DAAM1: variants seen among roughly 807,000 people sequenced by gnomAD.
DAAM1 encodes dishevelled associated activator of morphogenesis 1, also known as disheveled-associated activator of morphogenesis 1.
Under a neutral mutation model 130.0 loss-of-function variants are expected in DAAM1, and 52 were observed. That is an observed-to-expected ratio of 0.40 (90% CI 0.32 to 0.50). DAAM1 has a LOEUF of 0.50. Among genes scored for constraint, DAAM1 ranks in the 20% least tolerant of loss-of-function variants. The pLI, the probability that DAAM1 is intolerant of heterozygous loss-of-function variation, is 0.61. For synonymous variants in DAAM1, 452 were observed against 444.5 expected, an observed-to-expected ratio of 1.02 and a Z score of -0.21; for missense variants, 1,134 against 1,303.8, an observed-to-expected ratio of 0.87 and a Z score of 2.01.
intron 1 of DAAM1, among the ~76,000 whole-genome samples, chr14:59,191,332 A>G (rs1367207700): frequency 1.3e-5 from 2 of 151,700 alleles, no homozygotes; most frequent in Non-Finnish European, 2.9e-5. Flanking sequence ...CTGCTTGTCT[A>G]CCCTACTAGA....
chr14:59,339,078 A>G (rs956507648), intron 15 of DAAM1, among the ~76,000 whole-genome samples: 1 of 152,244 alleles, frequency 6.6e-6, no homozygotes, highest in Non-Finnish European at 1.5e-5. Flanking sequence ...GCTTAGTAGG[A>G]AAGTACGTAG....
intron 15 of DAAM1, among the ~76,000 whole-genome samples, chr14:59,335,934 A>G (rs1265561300): frequency 6.6e-6 from 1 of 151,900 alleles, no homozygotes; most frequent in East Asian, 1.9e-4. Flanking sequence ...ACATTGAAAA[A>G]TGTTATGATT....
intron 1 of DAAM1, among the ~76,000 whole-genome samples, chr14:59,199,922 A>G (rs1394290070): frequency 2.6e-5 from 4 of 152,022 alleles, no homozygotes. Flanking sequence ...GGGCAAAATC[A>G]CCCCGGGTTG....
chr14:59,364,889 G>A (rs1046427019), intron 23 of DAAM1, among the ~76,000 whole-genome samples: 2 of 150,022 alleles, frequency 1.3e-5, no homozygotes, highest in Non-Finnish European at 3.0e-5. Context: ...GTCAACTCAT[G>A]TCAGCAACCA....
At chr14:59,208,715 A>G (rs988178260) in intron 1 of DAAM1, among the ~76,000 whole-genome samples, 15 of 152,124 alleles carry the variant, frequency 9.9e-5, no homozygotes, top group African/African-American at 3.6e-4. Flanking sequence ...TCATGTCGAA[A>G]TGTAATCCCC....
intron 2 of DAAM1, among the ~76,000 whole-genome samples, chr14:59,285,514 C>T (rs1174033260): frequency 1.3e-5 from 2 of 152,142 alleles, no homozygotes; most frequent in African/African-American, 2.4e-5. Flanking sequence ...AAGCAAGACC[C>T]ACTGTCTGCT....
At position 59,300,381 on chromosome 14, in the gene DAAM1, G is replaced by A. The variant is rs112885128; in HGVS notation, c.273+9075G>A. Among the ~76,000 whole-genome samples the A allele has an allele frequency of 1.4e-3, 214 of 152,234 alleles. 1 individual carries two copies. The highest frequency in any genetic ancestry group is 4.8e-3 in the African/African-American group (201 of 41,558). On this transcript the variant is annotated intron_variant, in intron 3 of 24. Transcript: ENST00000360909. Reference sequence around the variant, plus strand: ...AGTGATGGAAAGATAATAAAATAACGTTTCAGCACATTTGCAGATAATGTT... The same window carrying A: ...AGTGATGGAAAGATAATAAAATAACATTTCAGCACATTTGCAGATAATGTT...
intron 16 of DAAM1, among the ~76,000 whole-genome samples, chr14:59,344,304 A>T (rs967557988): frequency 1.3e-5 from 2 of 152,188 alleles, no homozygotes; most frequent in African/African-American, 4.8e-5. Flanking sequence ...GGATGTTCCA[A>T]TTCTCTTGGC....
intron 3 of DAAM1, among the ~76,000 whole-genome samples, chr14:59,294,556 C>G (rs1216708836): frequency 1.4e-5 from 2 of 143,184 alleles, no homozygotes; most frequent in Non-Finnish European, 3.1e-5. Flanking sequence ...AGACAGCAAT[C>G]CACTGTCATT....
intron 3 of DAAM1, among the ~76,000 whole-genome samples, chr14:59,311,555 T>TA (rs566202858): frequency 1.0e-3 from 144 of 141,918 alleles, no homozygotes; most frequent in Middle Eastern, 3.6e-3. Context: ...GTTTATAAGT[T>TA]AAAAAAAAAA....
intron 2 of DAAM1, among the ~76,000 whole-genome samples, chr14:59,276,888 T>C (rs1010994003): frequency 2.0e-5 from 3 of 152,198 alleles, no homozygotes; most frequent in Non-Finnish European, 4.4e-5. Context: ...TCGTTTTTCT[T>C]AGTCCTCCTG....
In DAAM1 at chr14:59,371,103, A is replaced by C. The variant is rs1887151054; in HGVS notation, c.*2244A>C. The C allele has an allele frequency of 3.4e-5, 1 of 29,112 alleles. No homozygotes were observed. Among genetic ancestry groups the C allele is most frequent in the Non-Finnish European group, 6.5e-5 (1 of 15,420 alleles). The allele number at this position is 29,112 out of a possible 1,614,324, so 1.8% of individuals were successfully genotyped here. A position where few individuals can be genotyped will look rare whatever the true frequency, so the allele number is the denominator to read the frequency against. ...ATGTGCCATTGTTGAAAAGAAAAAA[A>C]AAAAACAAAAAAAAAACCTACTTTT... On this transcript the variant is annotated 3_prime_UTR_variant, in exon 25 of 25. Coordinates refer to ENST00000360909, the MANE Select transcript of DAAM1 (RefSeq NM_001270520.2).
chr14:59,239,634 G>GC (rs147244615), intron 1 of DAAM1, among the ~76,000 whole-genome samples: 1 of 151,696 alleles, frequency 6.6e-6, no homozygotes, highest in African/African-American at 2.4e-5. Context: ...TCCCCACCGC[G>GC]CCCCCACCCC....
At chr14:59,237,429 AT>A (rs1168082784) in intron 1 of DAAM1, among the ~76,000 whole-genome samples, 1 of 152,176 alleles carries the variant, frequency 6.6e-6, no homozygotes, top group Non-Finnish European at 1.5e-5. Flanking sequence ...GAAAAAGTGT[AT>A]TTTGACCACC....
chr14:59,215,325 A>T (rs188366189), intron 1 of DAAM1, among the ~76,000 whole-genome samples: 3 of 152,246 alleles, frequency 2.0e-5, no homozygotes, highest in Non-Finnish European at 2.9e-5. Flanking sequence ...TAACAATTCC[A>T]TGGGAACATG....
chr14:59,203,158 A>ATTTTTTTTT (rs57437992), intron 1 of DAAM1, among the ~76,000 whole-genome samples: 619 of 107,994 alleles, frequency 5.7e-3, no homozygotes, highest in African/African-American at 0.011. Context: ...CTTCTGGCTA[A>ATTTTTTTTT]TTTTTTTTTT....
chr14:59,263,353 C>G (rs767525666), intron 1 of DAAM1, 88 bp from the exon 2 acceptor site: 3 of 1,161,224 alleles, frequency 2.6e-6, no homozygotes, highest in Non-Finnish European at 2.5e-6. Flanking sequence ...CGTCAGCACA[C>G]GGAGCTCTTT....
intron 1 of DAAM1, among the ~76,000 whole-genome samples, chr14:59,251,205 T>C (rs1256748154): frequency 6.6e-6 from 1 of 152,234 alleles, no homozygotes; most frequent in Admixed American, 6.5e-5. Context: ...TGAACACCTT[T>C]GTTGATACAT....
chr14:59,354,497 G>A (rs947093587), intron 19 of DAAM1, among the ~76,000 whole-genome samples: 3 of 152,178 alleles, frequency 2.0e-5, no homozygotes, highest in Admixed American at 1.3e-4. Flanking sequence ...CTACAGGGTT[G>A]GGCTTTTGAC....
Sources: gnomAD v4.1 joint callset for allele counts (sites outside exome capture counted in the v4.1 genomes callset) on GRCh38, gnomAD v4.1.1 for gene constraint, MANE v1.5 for transcripts, NCBI Gene and HGNC (gene_info 2026-07-23, HGNC 2026-07-21) for gene names.